The following EPM2A variants were observed in gnomAD, a reference collection of about 807,000 sequenced individuals.
EPM2A encodes the protein laforin.
A neutral mutation model predicts 26.5 loss-of-function variants in EPM2A; 21 were observed. The observed-to-expected ratio is 0.79, with a 90% CI of 0.56 to 1.14. EPM2A has a LOEUF of 1.14. Ranked by LOEUF, EPM2A falls within the 50% of genes most tolerant of loss-of-function variation. The pLI is 0.00. For missense variants in EPM2A, 458 were observed against 440.8 expected (o/e 1.04, Z -0.35); for synonymous variants, 217 against 177.6 (o/e 1.22, Z -1.76).
intron 2 of EPM2A, among the ~76,000 whole-genome samples, chr6:145,507,409 G>C (rs186946194): frequency 6.6e-6 from 1 of 152,196 alleles, no homozygotes. Context: ...AGCTGAAAAG[G>C]TGTGTGGGAG....
At chr6:145,690,366 CG>C (rs1358749422) in intron 1 of EPM2A, among the ~76,000 whole-genome samples, 1 of 151,002 alleles carries the variant, frequency 6.6e-6, no homozygotes, top group Non-Finnish European at 1.5e-5. Flanking sequence ...AAAAATTAGC[CG>C]GGTGCGGTGG....
intron 2 of EPM2A, among the ~76,000 whole-genome samples, chr6:145,570,517 C>CAA (rs1416403287): frequency 2.0e-5 from 3 of 152,210 alleles, no homozygotes; most frequent in Non-Finnish European, 4.4e-5. Context: ...TACACATGCA[C>CAA]AAACATGTTT....
intron 2 of EPM2A, among the ~76,000 whole-genome samples, chr6:145,655,468 C>T (rs1308207100): frequency 6.6e-6 from 1 of 151,914 alleles, no homozygotes; most frequent in East Asian, 1.9e-4. Flanking sequence ...AGATATAATT[C>T]TTAATGTCAA....
At chr6:145,513,959 C>G (rs1373428657) in intron 2 of EPM2A, among the ~76,000 whole-genome samples, 1 of 152,182 alleles carries the variant, frequency 6.6e-6, no homozygotes, top group East Asian at 1.9e-4. Context: ...CTGTTTCTAT[C>G]TATTGACTGA....
At chr6:145,718,072 C>T (rs1431185676) in intron 1 of EPM2A, among the ~76,000 whole-genome samples, 1 of 151,710 alleles carries the variant, frequency 6.6e-6, no homozygotes, top group African/African-American at 2.4e-5. Flanking sequence ...CAATGCCATC[C>T]CCATCAGGCT....
chr6:145,433,011 G>T (rs1778941296), intron 4 of EPM2A, among the ~76,000 whole-genome samples: 3 of 151,836 alleles, frequency 2.0e-5, no homozygotes, highest in South Asian at 2.1e-4. Context: ...TATAATAGAA[G>T]AAACTTAGGG....
intron 4 of EPM2A, among the ~76,000 whole-genome samples, chr6:145,428,029 T>A (rs1778873559): frequency 6.6e-6 from 1 of 151,342 alleles, no homozygotes; most frequent in Non-Finnish European, 1.5e-5. Flanking sequence ...TATTTTATAT[T>A]TTCTGTTTAC....
At chr6:145,482,865 C>G (rs368039984) in intron 4 of EPM2A, among the ~76,000 whole-genome samples, 1 of 147,430 alleles carries the variant, frequency 6.8e-6, no homozygotes, top group Admixed American at 6.8e-5. Context: ...TATAGCTATT[C>G]TTTTTTTTTT....
chr6:145,674,868 A>G (rs540631581), intron 2 of EPM2A, among the ~76,000 whole-genome samples: 16 of 152,324 alleles, frequency 1.1e-4, no homozygotes, highest in African/African-American at 3.8e-4. Context: ...TCTTCAGGAT[A>G]TTATCCAGGA....
chr6:145,390,569 C>A (rs1162373878), intron 4 of EPM2A, among the ~76,000 whole-genome samples: 1 of 151,822 alleles, frequency 6.6e-6, no homozygotes, highest in African/African-American at 2.4e-5. Context: ...CACATTCTCT[C>A]TCTCTCTCTC....
intron 4 of EPM2A, among the ~76,000 whole-genome samples, chr6:145,481,754 T>C (rs1779613600): frequency 6.6e-6 from 1 of 152,164 alleles, no homozygotes; most frequent in African/African-American, 2.4e-5. Flanking sequence ...ATTTATTATA[T>C]AGAAATGATA....
chr6:145,605,454 A>C (rs1420555582), intron 2 of EPM2A, among the ~76,000 whole-genome samples: 1 of 152,128 alleles, frequency 6.6e-6, no homozygotes, highest in Non-Finnish European at 1.5e-5. Flanking sequence ...TTCCAAGCTT[A>C]GGCTGTTCCA....
At chr6:145,682,331 C>G (rs1318870933) in intron 2 of EPM2A, 1 of 152,174 alleles carries the variant, frequency 6.6e-6, no homozygotes, top group East Asian at 1.9e-4. Flanking sequence ...TCCTACAACA[C>G]ATGAGAATTG....
intron 2 of EPM2A, among the ~76,000 whole-genome samples, chr6:145,648,596 A>G (rs1052561527): frequency 2.0e-5 from 3 of 152,252 alleles, no homozygotes; most frequent in African/African-American, 7.2e-5. Context: ...AGCCCTGGCT[A>G]CATGCTAGAA....
chr6:145,690,276 C>T (rs942226835), intron 1 of EPM2A, among the ~76,000 whole-genome samples: 59 of 151,890 alleles, frequency 3.9e-4, no homozygotes, highest in African/African-American at 1.2e-3. Context: ...TTTGGGAGGC[C>T]GAGGCGGGTG....
chr6:145,436,832 GT>G (rs973614533), intron 4 of EPM2A, among the ~76,000 whole-genome samples: 3 of 150,720 alleles, frequency 2.0e-5, no homozygotes, highest in Non-Finnish European at 3.0e-5. Flanking sequence ...TATTTTATTT[GT>G]TTTTTTTCCT....
intron 2 of EPM2A, among the ~76,000 whole-genome samples, chr6:145,503,396 C>A (rs367657330): frequency 7.4e-6 from 1 of 135,740 alleles, no homozygotes; most frequent in East Asian, 2.1e-4. Context: ...TCAGCAAAGT[C>A]TCAGGATACA....
At position 145,490,145 on chromosome 6, in the gene EPM2A, G is replaced by A. The variant is rs555773074; in HGVS notation, c.555+12377C>T. The A allele has an allele frequency of 8.0e-5, 87 of 1,094,094 alleles. No homozygotes were observed. In the African/African-American group the frequency reaches 8.7e-4, roughly 11 times the overall value. 67.8% of individuals were successfully genotyped at this position (1,094,094 alleles called of 1,614,324 possible). ...TATGTCACAGGTTCAGTTTGCACAC[G>A]TTTCTACTGAAAGAACTTCTTCCAT... On this transcript the variant is annotated intron_variant, in intron 4 of 4. Transcript: ENST00000638717.
At position 145,735,393 on chromosome 6, in the gene EPM2A, C is replaced by T; in HGVS notation, c.106G>A (p.Gly36Ser). 8.1e-7 allele frequency: 1 copy of T among 1,230,174 alleles called. No individual in the cohort carries two copies. Among genetic ancestry groups the T allele is most frequent in the Non-Finnish European group, 1.0e-6 (1 of 984,914 alleles). 76.2% of individuals were successfully genotyped at this position (1,230,174 alleles called of 1,614,324 possible). The part of the protein sequence containing the change: ...RPELGRWEPR[G>S]AVRLRPAGTA... Reference sequence around the variant, plus strand: ...CCGGCCGGCCTCAGGCGGACGGCACCGCGCGGCTCCCAACGCCCCAGCTCG... The same window carrying T: ...CCGGCCGGCCTCAGGCGGACGGCACTGCGCGGCTCCCAACGCCCCAGCTCG... Residue 36 changes from glycine (G) to serine (S), a missense_variant, in exon 1 of 4, where the codon GGT (glycine) becomes AGT (serine). By Grantham distance (56) the Gly-to-Ser change is moderately conservative. Coordinates refer to ENST00000367519, the MANE Select transcript of EPM2A (RefSeq NM_005670.4).
Sources: allele counts gnomAD v4.1 joint callset (sites outside exome capture counted in the v4.1 genomes callset), GRCh38; gene constraint gnomAD v4.1.1; transcripts MANE v1.5; gene names NCBI Gene and HGNC (gene_info 2026-07-23, HGNC 2026-07-21).